CUBN: variants seen among roughly 807,000 people sequenced by gnomAD.
CUBN encodes the protein 460 kDa receptor.
CUBN carries 282 observed loss-of-function variants against 405.3 expected under a neutral mutation model. The observed-to-expected ratio is 0.70, with a 90% CI of 0.63 to 0.77. The LOEUF (loss-of-function observed/expected upper bound fraction) is 0.77. Among genes scored for constraint, CUBN ranks in the 30% least tolerant of loss-of-function variants. The probability of loss-of-function intolerance (pLI) is 0.00; values close to 1 mark genes in which losing one functional copy is unlikely to be tolerated. For missense variants in CUBN, 4,514 were observed against 4,475.2 expected (o/e 1.01, Z -0.25); for synonymous variants, 1,684 against 1,617.0 (o/e 1.04, Z -0.99).
In CUBN at chr10:16,854,936, C is replaced by CCTTCCTT. The variant is rs1564387641; in HGVS notation, c.9455-3494_9455-3493insAAGGAAG. On this transcript the variant is annotated intron_variant, in intron 59 of 66. Transcript: ENST00000377833. The stretch of plus-strand genomic sequence containing the variant: ...TTCCTTCCTTCCTTCCTTCCTTCCT[C>CCTTCCTT]CCTCCCTCCCTCCCTTCCTCTCTTC... 4.0e-5 allele frequency among the ~76,000 whole-genome samples: 5 copies of CCTTCCTT among 125,736 alleles called. No homozygotes were observed. The East Asian group carries it at 1.1e-3, about 28-fold the overall frequency. The allele number at this position is 125,736 out of a possible 152,430, so 82.5% of individuals were successfully genotyped here.
chr10:16,951,570 C>T (rs547223203), intron 33 of CUBN, among the ~76,000 whole-genome samples: 15 of 152,290 alleles, frequency 9.8e-5, no homozygotes, highest in Admixed American at 4.6e-4. Context: ...CAGCATCACC[C>T]GCTTTGCAGC....
chr10:16,974,646 C>T (rs906225138), intron 31 of CUBN, among the ~76,000 whole-genome samples: 2 of 152,158 alleles, frequency 1.3e-5, no homozygotes, highest in African/African-American at 2.4e-5. Flanking sequence ...GCTGGGATTA[C>T]AGGCGTGAGC....
intron 43 of CUBN, among the ~76,000 whole-genome samples, chr10:16,923,456 T>C (rs1432685603): frequency 6.6e-6 from 1 of 152,120 alleles, no homozygotes; most frequent in Non-Finnish European, 1.5e-5. Flanking sequence ...GGTGGGAAGA[T>C]AGCCAGATAG....
chr10:16,933,077 A>C lies in CUBN; in HGVS notation c.6124+10T>G. The C allele has an allele frequency of 6.2e-7, 1 of 1,612,996 alleles. No homozygotes were observed. The highest frequency in any genetic ancestry group is 8.5e-7 in the Non-Finnish European group (1 of 1,179,122). ...GGGTTGAAACTCAGCATTCTTTATAATGTTCTCACCATCTCGTATCACAAG... is the reference window on the plus strand; with the variant it reads ...GGGTTGAAACTCAGCATTCTTTATACTGTTCTCACCATCTCGTATCACAAG... On this transcript the variant is annotated intron_variant, in intron 40 of 66. Transcript: ENST00000377833.
At chr10:16,917,741 G>T (rs943831563) in intron 45 of CUBN, among the ~76,000 whole-genome samples, 2 of 152,036 alleles carry the variant, frequency 1.3e-5, no homozygotes, top group Non-Finnish European at 2.9e-5. Flanking sequence ...AATTAAAGTT[G>T]ATTAATGACT....
At position 16,828,619 on chromosome 10, in the gene CUBN, G is replaced by A. The variant is rs1291618357; in HGVS notation, c.10764+186C>T. On this transcript the variant is annotated intron_variant, in intron 66 of 66. Coordinates refer to ENST00000377833, the MANE Select transcript of CUBN (RefSeq NM_001081.4). ...TGTAATCCCAGCTACTCAGGAGGCT[G>A]AGGCAGGAGAATTGCTTGAACCCAG... 3.3e-5 allele frequency among the ~76,000 whole-genome samples: 5 copies of A among 152,190 alleles called. No homozygotes were observed. In the East Asian group the frequency reaches 9.7e-4, roughly 29 times the overall value.
intron 13 of CUBN, among the ~76,000 whole-genome samples, chr10:17,101,443 T>A (rs556589508): frequency 1.3e-5 from 2 of 152,310 alleles, no homozygotes; most frequent in African/African-American, 4.8e-5. Flanking sequence ...GAAATTTATT[T>A]TGGAGTTTAT....
intron 39 of CUBN, among the ~76,000 whole-genome samples, chr10:16,935,134 T>C (rs966950467): frequency 6.6e-6 from 1 of 152,196 alleles, no homozygotes; most frequent in African/African-American, 2.4e-5. Context: ...GAGTGTTTTT[T>C]CTTTCCCAAT....
At chr10:17,087,466 C>CTTTTTTTTTTTTTTTTTTTTTTTTTTT (rs879308596) in intron 15 of CUBN, among the ~76,000 whole-genome samples, 2 of 79,772 alleles carry the variant, frequency 2.5e-5, no homozygotes, top group African/African-American at 1.1e-4. Context: ...TATTATTTTT[C>CTTTTTTTTTTTTTTTTTTTTTTTTTTT]TTTTTCTTTT....
In CUBN at chr10:17,128,468, C is replaced by T. The variant is rs189839116; in HGVS notation, c.253-544G>A. 5.3e-5 allele frequency among the ~76,000 whole-genome samples: 8 copies of T among 152,274 alleles called. 1 individual carries two copies. The highest frequency in any genetic ancestry group is 7.4e-5 in the Non-Finnish European group (5 of 68,018). ...CAGTGATTATTGGGAAATGAAAACACCCAGTAAGGCAGGAGAATAACTGGC... is the reference window on the plus strand; with the variant it reads ...CAGTGATTATTGGGAAATGAAAACATCCAGTAAGGCAGGAGAATAACTGGC... On this transcript the variant is annotated intron_variant, in intron 2 of 66. Coordinates refer to ENST00000377833, the MANE Select transcript of CUBN (RefSeq NM_001081.4).
intron 17 of CUBN, among the ~76,000 whole-genome samples, chr10:17,072,698 G>A (rs1274767483): frequency 6.6e-6 from 1 of 152,074 alleles, no homozygotes; most frequent in Non-Finnish European, 1.5e-5. Context: ...GGTTATGGGT[G>A]GGGATATAAA....
intron 51 of CUBN, among the ~76,000 whole-genome samples, chr10:16,902,765 G>C (rs924442394): frequency 1.6e-4 from 24 of 152,186 alleles, no homozygotes; most frequent in African/African-American, 5.6e-4. Flanking sequence ...TGAGAGGAGT[G>C]AAAGTGAAAG....
chr10:16,824,739 C>T lies in CUBN; in HGVS notation c.*236G>A. On this transcript the variant is annotated 3_prime_UTR_variant, in exon 67 of 67. Transcript: ENST00000377833. Reference sequence around the variant, plus strand: ...TTCACCATGCTGGCCAGGCTAGTCTCAAACTCCTGACCTCAGGTGATCAAC... The same window carrying T: ...TTCACCATGCTGGCCAGGCTAGTCTTAAACTCCTGACCTCAGGTGATCAAC... The T allele has an allele frequency of 2.2e-6, 1 of 455,504 alleles. No individual in the cohort carries two copies. The highest frequency in any genetic ancestry group is 4.2e-6 in the Non-Finnish European group (1 of 239,598). 28.2% of individuals were successfully genotyped at this position (455,504 alleles called of 1,614,324 possible). A position where few individuals can be genotyped will look rare whatever the true frequency, so the allele number is the denominator to read the frequency against.
At chr10:17,080,906 A>T (rs45500301) in intron 17 of CUBN, among the ~76,000 whole-genome samples, 5,404 of 152,260 alleles carry the variant, frequency 0.035, 209 homozygotes, top group South Asian at 0.2. Context: ...AAAACAGATG[A>T]ACTAACAATT....
At chr10:16,998,307 G>A (rs931755516) in intron 28 of CUBN, among the ~76,000 whole-genome samples, 2 of 152,140 alleles carry the variant, frequency 1.3e-5, no homozygotes, top group East Asian at 3.9e-4. Context: ...ATCCTTATAC[G>A]AAGAGGGAAA....
intron 58 of CUBN, among the ~76,000 whole-genome samples, chr10:16,871,603 C>A (rs1840356527): frequency 6.6e-6 from 1 of 151,946 alleles, no homozygotes; most frequent in Admixed American, 6.6e-5. Flanking sequence ...TGTAAAAGAT[C>A]AGGGAAGAAC....
At chr10:17,025,527 G>A (rs770748568) in intron 27 of CUBN, among the ~76,000 whole-genome samples, 73 of 152,170 alleles carry the variant, frequency 4.8e-4, no homozygotes, top group Admixed American at 9.8e-4. Flanking sequence ...GATAAACCAC[G>A]TAAAAGGTTT....
chr10:17,129,285 T>C lies in CUBN; in HGVS notation c.123-35A>G. The stretch of plus-strand genomic sequence containing the variant: ...TCAAACGAGAGAATGCATCAGTAAT[T>C]AGCAAGTACAATTTTTAAACCAAAA... On this transcript the variant is annotated intron_variant, in intron 1 of 66. Transcript: ENST00000377833. 3.1e-6 allele frequency: 5 copies of C among 1,607,448 alleles called. No homozygotes were observed. In the South Asian group the frequency reaches 5.5e-5, roughly 18 times the overall value.
In CUBN at chr10:16,926,039, A is replaced by C. The variant is rs1276714; in HGVS notation, c.6272-265T>G. On this transcript the variant is annotated intron_variant, in intron 41 of 66. Transcript: ENST00000377833. ...TGCTTTCATAAAGATTTCTTTATAG[A>C]TGGGGAAGACATACAATAAACAAAT... Among the ~76,000 whole-genome samples the C allele has an allele frequency of 0.62, 94,659 of 151,946 alleles. 29,899 individuals are homozygous for C. The highest frequency in any genetic ancestry group is 0.92 in the East Asian group (4,740 of 5,170).
Sources: gnomAD v4.1 joint callset for allele counts (sites outside exome capture counted in the v4.1 genomes callset) on GRCh38, gnomAD v4.1.1 for gene constraint, MANE v1.5 for transcripts, NCBI Gene and HGNC (gene_info 2026-07-23, HGNC 2026-07-21) for gene names.